The following KLHL13 variants were observed in gnomAD, a reference collection of about 807,000 sequenced individuals.
KLHL13 encodes the protein kelch like family member 13.
Under a neutral mutation model 37.1 loss-of-function variants are expected in KLHL13, and 10 were observed. That is an observed-to-expected ratio of 0.27 (90% confidence interval 0.17 to 0.46). The LOEUF is 0.46. KLHL13 is among the 20% of genes least tolerant of loss of function. The pLI is 1.00. For synonymous variants in KLHL13, 163 were observed against 181.2 expected (o/e 0.90, Z 0.81); for missense variants, 360 against 509.3 (o/e 0.71, Z 2.82).
At chrX:117,994,015 C>G in intron 1 of KLHL13, among the ~76,000 whole-genome samples, 1 of 111,124 alleles carries the variant, frequency 9.0e-6, no homozygotes, top group Non-Finnish European at 1.9e-5. Context: ...GGATTACAGG[C>G]GTGAGCCACC....
At chrX:117,916,527 G>A (rs1340932016) in intron 4 of KLHL13, among the ~76,000 whole-genome samples, 1 of 112,267 alleles carries the variant, frequency 8.9e-6, no homozygotes, top group Non-Finnish European at 1.9e-5. Context: ...TAACACTGAT[G>A]CTCTGTTATA....
chrX:117,910,048 T>G, exon 5 of KLHL13: 1 of 1,194,765 alleles, frequency 8.4e-7, no homozygotes, highest in Non-Finnish European at 1.1e-6. Context: ...TCGGTTAGAT[T>G]GTAGGTGTTG....
At chrX:117,970,138 A>G (rs1009499768) in intron 1 of KLHL13, among the ~76,000 whole-genome samples, 1 of 111,609 alleles carries the variant, frequency 9.0e-6, no homozygotes, top group Admixed American at 9.6e-5. Flanking sequence ...CTCAATCACT[A>G]TAACACATTT....
At chrX:118,057,391 T>G (rs1380560635) in intron 1 of KLHL13, among the ~76,000 whole-genome samples, 1 of 112,220 alleles carries the variant, frequency 8.9e-6, no homozygotes, top group Non-Finnish European at 1.9e-5. Context: ...GAGCTAAAAC[T>G]CTTAGATAAA....
chrX:118,115,978 TATTCAGAGCTGAAGAC>T (rs2148200360), intron 1 of KLHL13, among the ~76,000 whole-genome samples: 1 of 112,013 alleles, frequency 8.9e-6, no homozygotes, highest in African/African-American at 3.2e-5. Flanking sequence ...AAAGTCAAAA[TATTCAGAGCTGAAGAC>T]ATTCAGAGCT....
intron 1 of KLHL13, among the ~76,000 whole-genome samples, chrX:118,018,014 A>C (rs2054147302): frequency 9.0e-6 from 1 of 111,503 alleles, no homozygotes; most frequent in African/African-American, 3.3e-5. Flanking sequence ...CATTACCATA[A>C]TGCATGCATG....
intron 1 of KLHL13, among the ~76,000 whole-genome samples, chrX:118,081,437 A>G (rs1011826796): frequency 9.0e-6 from 1 of 110,991 alleles, no homozygotes; most frequent in Non-Finnish European, 1.9e-5. Flanking sequence ...CATTTGTTAC[A>G]GTGATGTTGA....
chrX:117,977,753 T>C (rs1031293569), upstream of KLHL13, among the ~76,000 whole-genome samples: 2 of 112,425 alleles, frequency 1.8e-5, no homozygotes, highest in Non-Finnish European at 3.8e-5. Context: ...AGTACTTGGA[T>C]AGCAACCAAA....
At chrX:117,940,882 T>C (rs1392764543) in intron 2 of KLHL13, among the ~76,000 whole-genome samples, 1 of 111,989 alleles carries the variant, frequency 8.9e-6, no homozygotes, top group Middle Eastern at 4.6e-3. Context: ...AATCATGTCA[T>C]CTGCAAACAG....
intron 1 of KLHL13, among the ~76,000 whole-genome samples, chrX:118,094,998 C>G (rs1256570117): frequency 9.0e-6 from 1 of 111,264 alleles, no homozygotes; most frequent in Non-Finnish European, 1.9e-5. Flanking sequence ...AGCAAAATAA[C>G]CAGCTAACAT....
At chrX:118,091,804 G>C (rs992954399) in intron 1 of KLHL13, among the ~76,000 whole-genome samples, 2 of 110,715 alleles carry the variant, frequency 1.8e-5, no homozygotes, top group African/African-American at 6.6e-5. Flanking sequence ...ATCCACTCTA[G>C]GATAAAGAAA....
At chrX:117,991,097 T>TGGG (rs2053783339) in intron 1 of KLHL13, among the ~76,000 whole-genome samples, 3 of 101,272 alleles carry the variant, frequency 3.0e-5, no homozygotes, top group Middle Eastern at 9.7e-3. Context: ...AGTGTGTTTT[T>TGGG]GGGGTATGTT....
At chrX:117,910,236 T>G (rs371145116) in intron 4 of KLHL13, 140 bp from the exon 6 acceptor site, 8 of 464,517 alleles carry the variant, frequency 1.7e-5, no homozygotes, top group African/African-American at 1.7e-4. Flanking sequence ...CTTATCTAAA[T>G]GTATCAATGA....
intron 1 of KLHL13, among the ~76,000 whole-genome samples, chrX:118,099,339 T>TTCATTAAAACTTCAGTTTAGGAG (rs2055256062): frequency 9.0e-6 from 1 of 111,691 alleles, no homozygotes; most frequent in African/African-American, 3.3e-5. Flanking sequence ...AAACTGAAAA[T>TTCATTAAAACTTCAGTTTAGGAG]TTCCTTCCAA....
intron 1 of KLHL13, among the ~76,000 whole-genome samples, chrX:118,110,647 T>G (rs6603369): frequency 0.017 from 1,930 of 111,195 alleles, 45 homozygotes; most frequent in African/African-American, 0.058. Context: ...TAAGTGCTGG[T>G]ATTACAGGCG....
At chrX:117,916,646 G>A (rs1039165242) in intron 4 of KLHL13, among the ~76,000 whole-genome samples, 52 of 111,506 alleles carry the variant, frequency 4.7e-4, no homozygotes, top group African/African-American at 2.0e-4. Flanking sequence ...TTACTGATTC[G>A]CATTTTACAT....
intron 1 of KLHL13, among the ~76,000 whole-genome samples, chrX:117,950,835 G>A (rs1197677669): frequency 8.9e-6 from 1 of 112,496 alleles, no homozygotes; most frequent in East Asian, 2.8e-4. Flanking sequence ...TCTGCTAGCA[G>A]CAGCATTTGC....
rs1175021957 is a variant in KLHL13, at chrX:118,087,048, TTC to T, written c.-56+29458_-56+29459del. 2.7e-5 allele frequency among the ~76,000 whole-genome samples: 3 copies of T among 111,645 alleles called. No individual in the cohort carries two copies. In the East Asian group the frequency reaches 8.3e-4, roughly 31 times the overall value. On this transcript the variant is annotated intron_variant, in intron 1 of 6. Transcript: ENST00000371882. ...CTCTAAAAATTGGAAAATAAAGGAT[TTC>T]TCTTATTGAAAATGAGAAAAATACA...
intron 1 of KLHL13, among the ~76,000 whole-genome samples, chrX:118,090,941 T>A (rs1355928426): frequency 6.5e-5 from 7 of 107,832 alleles, no homozygotes; most frequent in Non-Finnish European, 9.6e-5. Flanking sequence ...TGGAATACTA[T>A]GCAGTCATAA....
Sources: gnomAD v4.1 joint callset for allele counts (sites outside exome capture counted in the v4.1 genomes callset) on GRCh38, gnomAD v4.1.1 for gene constraint, MANE v1.5 for transcripts, NCBI Gene and HGNC (gene_info 2026-07-23, HGNC 2026-07-21) for gene names.